RALGAPA2: variants seen among roughly 807,000 people sequenced by gnomAD.
RALGAPA2 encodes the protein Ral GTPase activating protein catalytic subunit alpha 2.
RALGAPA2 carries 139 observed loss-of-function variants against 230.4 expected under a neutral mutation model. The observed-to-expected ratio is 0.60, with a 90% CI of 0.53 to 0.69. The LOEUF is 0.69. Among genes scored for constraint, RALGAPA2 ranks in the 30% least tolerant of loss-of-function variants. The pLI is 0.00. For missense variants in RALGAPA2, 2,163 were observed against 2,276.0 expected (o/e 0.95, Z 1.01); for synonymous variants, 847 against 837.8 (o/e 1.01, Z -0.19).
At position 20,522,565 on chromosome 20, in the gene RALGAPA2, G is replaced by A. The variant is rs75235828; in HGVS notation, c.3901-1465C>T. ...CCTGGACATGGGTATGGGACCAGTG[G>A]CTATGGGGAGGCACAGAGAAGGCTT... On this transcript the variant is annotated intron_variant, in intron 30 of 39. Coordinates refer to ENST00000202677, the MANE Select transcript of RALGAPA2 (RefSeq NM_020343.4). Among the ~76,000 whole-genome samples, 823 of 152,314 alleles carry A rather than the reference G, an allele frequency of 5.4e-3. 9 individuals are homozygous for A. Among genetic ancestry groups the A allele is most frequent in the African/African-American group, 0.019 (786 of 41,568 alleles).
At chr20:20,423,058 G>A (rs1424639418) in intron 37 of RALGAPA2, among the ~76,000 whole-genome samples, 3 of 152,192 alleles carry the variant, frequency 2.0e-5, no homozygotes, top group Admixed American at 6.5e-5. Flanking sequence ...GACAATGCAG[G>A]GGAGGAAGCG....
intron 37 of RALGAPA2, among the ~76,000 whole-genome samples, chr20:20,427,832 A>AT (rs1569390524): frequency 6.6e-6 from 1 of 151,612 alleles, no homozygotes; most frequent in South Asian, 2.1e-4. Context: ...TGGACAACAT[A>AT]TATCATCAAG....
At chr20:20,683,048 C>A (rs1025721068) in intron 1 of RALGAPA2, among the ~76,000 whole-genome samples, 1 of 152,210 alleles carries the variant, frequency 6.6e-6, no homozygotes, top group Non-Finnish European at 1.5e-5. Flanking sequence ...CTGTTCTTCC[C>A]TCTGGCTTTT....
intron 1 of RALGAPA2, among the ~76,000 whole-genome samples, chr20:20,691,469 T>A (rs1201009923): frequency 1.3e-5 from 2 of 152,234 alleles, no homozygotes; most frequent in African/African-American, 4.8e-5. Context: ...TTTACAATTT[T>A]GTATTAAATA....
intron 1 of RALGAPA2, among the ~76,000 whole-genome samples, chr20:20,692,766 G>A (rs1376194827): frequency 2.0e-5 from 3 of 152,158 alleles, no homozygotes; most frequent in Non-Finnish European, 4.4e-5. Context: ...CCACCCTGAG[G>A]ACAAACCTGC....
At chr20:20,595,859 A>C (rs2065438333) in intron 16 of RALGAPA2, among the ~76,000 whole-genome samples, 1 of 152,106 alleles carries the variant, frequency 6.6e-6, no homozygotes. Flanking sequence ...GAAGCAGGAG[A>C]ATTGCTTGAA....
At chr20:20,536,815 T>A (rs1210774060) in intron 24 of RALGAPA2, 31 bp from the exon 25 acceptor site, 1 of 1,594,886 alleles carries the variant, frequency 6.3e-7, no homozygotes, top group Admixed American at 1.7e-5. Context: ...CACACACATT[T>A]CTCTTTTTGT....
intron 3 of RALGAPA2, among the ~76,000 whole-genome samples, chr20:20,669,356 C>G (rs537845509): frequency 5.1e-4 from 77 of 152,336 alleles, no homozygotes; most frequent in African/African-American, 1.8e-3. Context: ...GTGCTGACAT[C>G]TGGGGCCTCA....
intron 3 of RALGAPA2, among the ~76,000 whole-genome samples, chr20:20,670,490 C>T (rs923461249): frequency 6.6e-5 from 10 of 152,148 alleles, no homozygotes; most frequent in Non-Finnish European, 1.3e-4. Context: ...AACAGACTAG[C>T]CCATGTAAAA....
At chr20:20,463,899 TTTTCTAACAGC>T (rs1210521954) in intron 37 of RALGAPA2, among the ~76,000 whole-genome samples, 1 of 152,260 alleles carries the variant, frequency 6.6e-6, no homozygotes, top group Non-Finnish European at 1.5e-5. Flanking sequence ...CCATTTCCAC[TTTTCTAACAGC>T]TTTCTAATAG....
chr20:20,519,755 A>G lies in RALGAPA2; in HGVS notation c.4084+1162T>C, dbSNP rs193200350. Reference sequence around the variant, plus strand: ...TTTGCTTTCCTGGTGACATTCCCTCACTCTGCTGTCCTTAAGGATGTTTCT... The same window carrying G: ...TTTGCTTTCCTGGTGACATTCCCTCGCTCTGCTGTCCTTAAGGATGTTTCT... On this transcript the variant is annotated intron_variant, in intron 31 of 39. Transcript: ENST00000202677. Among the ~76,000 whole-genome samples the G allele has an allele frequency of 4.2e-3, 642 of 151,562 alleles. 5 individuals are homozygous for G. Among genetic ancestry groups the G allele is most frequent in the African/African-American group, 0.015 (611 of 41,212 alleles).
In RALGAPA2 at chr20:20,458,875, TACACAC is replaced by T. The variant is rs1278682594; in HGVS notation, c.5495+13948_5495+13953del. On this transcript the variant is annotated intron_variant, in intron 37 of 39. Coordinates refer to ENST00000202677, the MANE Select transcript of RALGAPA2 (RefSeq NM_020343.4). The stretch of plus-strand genomic sequence containing the variant: ...ATAGACCTATATATATATATATATA[TACACAC>T]ACACAAATAAATAAAATATATATAT... Among the ~76,000 whole-genome samples the T allele has an allele frequency of 8.3e-5, 10 of 120,150 alleles. No individual in the cohort carries two copies. The East Asian group carries it at 2.5e-3, about 29-fold the overall frequency. 78.8% of individuals were successfully genotyped at this position (120,150 alleles called of 152,430 possible).
chr20:20,458,787 G>C (rs1322603067), intron 37 of RALGAPA2, among the ~76,000 whole-genome samples: 62 of 124,994 alleles, frequency 5.0e-4, no homozygotes, highest in African/African-American at 1.7e-3. Context: ...TATATATATA[G>C]ACCTATATAT....
chr20:20,611,027 T>C (rs1435395647), intron 14 of RALGAPA2, among the ~76,000 whole-genome samples: 1 of 152,142 alleles, frequency 6.6e-6, no homozygotes, highest in Non-Finnish European at 1.5e-5. Flanking sequence ...GTTCATCCTT[T>C]ACCTCTCCAA....
chr20:20,467,569 T>TG (rs2061446426), intron 37 of RALGAPA2, among the ~76,000 whole-genome samples: 1 of 151,722 alleles, frequency 6.6e-6, no homozygotes, highest in Non-Finnish European at 1.5e-5. Context: ...AGCCATTGAT[T>TG]GATTGATTGA....
chr20:20,565,070 C>T lies in RALGAPA2; in HGVS notation c.3156+6388G>A, dbSNP rs547945239. Among the ~76,000 whole-genome samples, 3 of 152,272 alleles carry T rather than the reference C, an allele frequency of 2.0e-5. No homozygotes were observed. In the East Asian group the frequency reaches 5.8e-4, roughly 29 times the overall value. On this transcript the variant is annotated intron_variant, in intron 23 of 39. Coordinates refer to ENST00000202677, the MANE Select transcript of RALGAPA2 (RefSeq NM_020343.4). The stretch of plus-strand genomic sequence containing the variant: ...TTAAATTCACAAATAAGTACTTTAT[C>T]TGCTAGTGTTGAGTTAAAATCCTAT...
chr20:20,436,163 T>C (rs2060608154), intron 37 of RALGAPA2, among the ~76,000 whole-genome samples: 2 of 152,282 alleles, frequency 1.3e-5, no homozygotes, highest in East Asian at 3.9e-4. Context: ...CCTGTGGACA[T>C]TGCTCCCTCT....
intron 1 of RALGAPA2, among the ~76,000 whole-genome samples, chr20:20,704,389 C>T (rs1568778531): frequency 6.6e-6 from 1 of 152,196 alleles, no homozygotes; most frequent in African/African-American, 2.4e-5. Flanking sequence ...TCTCCATATA[C>T]ACAAACACCT....
At chr20:20,699,105 T>C (rs2069238225) in intron 1 of RALGAPA2, among the ~76,000 whole-genome samples, 4 of 152,006 alleles carry the variant, frequency 2.6e-5, no homozygotes, top group Admixed American at 2.6e-4. Flanking sequence ...GAACATTTAT[T>C]TATCACAATT....
Sources: gnomAD v4.1 joint callset for allele counts (sites outside exome capture counted in the v4.1 genomes callset) on GRCh38, gnomAD v4.1.1 for gene constraint, MANE v1.5 for transcripts, NCBI Gene and HGNC (gene_info 2026-07-23, HGNC 2026-07-21) for gene names.